The following PCDH9 variants were observed in gnomAD, a reference collection of about 807,000 sequenced individuals.
The protein encoded by PCDH9 is protocadherin 9, also known as protocadherin-9.
PCDH9 carries 24 observed loss-of-function variants against 70.6 expected under a neutral mutation model. The observed-to-expected ratio is 0.34, with a 90% CI of 0.25 to 0.48. PCDH9 has a LOEUF of 0.48. Among genes scored for constraint, PCDH9 ranks in the 20% least tolerant of loss-of-function variants. The pLI is 0.99. For synonymous variants in PCDH9, 562 were observed against 558.5 expected (o/e 1.01, Z -0.09); for missense variants, 1,281 against 1,503.6 (o/e 0.85, Z 2.45).
chr13:66,583,021 T>C (rs951180126), intron 4 of PCDH9, among the ~76,000 whole-genome samples: 1 of 152,070 alleles, frequency 6.6e-6, no homozygotes, highest in African/African-American at 2.4e-5. Context: ...AGTAGTCTTT[T>C]AGACCTCATT....
intron 2 of PCDH9, among the ~76,000 whole-genome samples, chr13:67,197,235 AG>A (rs2089089526): frequency 6.6e-6 from 1 of 151,990 alleles, no homozygotes; most frequent in Admixed American, 6.6e-5. Flanking sequence ...TTCAATAAAA[AG>A]CATTTCATCA....
chr13:66,976,201 G>C (rs1384472889), intron 2 of PCDH9, among the ~76,000 whole-genome samples: 1 of 151,884 alleles, frequency 6.6e-6, no homozygotes, highest in Non-Finnish European at 1.5e-5. Context: ...TCCCCTCATT[G>C]GCAAACTACT....
At chr13:66,432,299 A>G (rs1566320737) in intron 4 of PCDH9, among the ~76,000 whole-genome samples, 1 of 152,006 alleles carries the variant, frequency 6.6e-6, no homozygotes, top group South Asian at 2.1e-4. Context: ...ATATCAGAGA[A>G]GAAGACTGTT....
At chr13:66,700,927 T>C (rs1325582100) in intron 3 of PCDH9, among the ~76,000 whole-genome samples, 7 of 53,554 alleles carry the variant, frequency 1.3e-4, no homozygotes, top group Non-Finnish European at 1.7e-4. Flanking sequence ...CATATAAATA[T>C]ATATATATAT....
intron 4 of PCDH9, among the ~76,000 whole-genome samples, chr13:66,505,111 A>G (rs1023420468): frequency 3.3e-5 from 5 of 151,986 alleles, no homozygotes; most frequent in African/African-American, 1.2e-4. Flanking sequence ...TCTCTAGGAC[A>G]CTCTTCCTAT....
intron 4 of PCDH9, among the ~76,000 whole-genome samples, chr13:66,443,903 T>G (rs1433797714): frequency 6.6e-6 from 1 of 152,194 alleles, no homozygotes; most frequent in Non-Finnish European, 1.5e-5. Context: ...GAAATTACTA[T>G]GAGCGTTGTT....
At chr13:67,067,984 G>T (rs1204969622) in intron 2 of PCDH9, among the ~76,000 whole-genome samples, 1 of 152,022 alleles carries the variant, frequency 6.6e-6, no homozygotes, top group East Asian at 1.9e-4. Flanking sequence ...ACAGCATGTA[G>T]TTTTGATAGC....
intron 2 of PCDH9, among the ~76,000 whole-genome samples, chr13:67,149,450 T>C (rs1484589835): frequency 1.3e-5 from 2 of 151,990 alleles, no homozygotes; most frequent in Non-Finnish European, 2.9e-5. Context: ...GCCCAGCACA[T>C]TGTTAGGCTC....
intron 2 of PCDH9, among the ~76,000 whole-genome samples, chr13:66,920,652 A>T (rs1594261301): frequency 6.6e-6 from 1 of 151,320 alleles, no homozygotes; most frequent in East Asian, 1.9e-4. Flanking sequence ...ACAAAACCCC[A>T]ATCCTCAAGC....
intron 3 of PCDH9, among the ~76,000 whole-genome samples, chr13:66,780,052 T>C (rs905942661): frequency 9.9e-5 from 15 of 151,706 alleles, no homozygotes; most frequent in African/African-American, 3.6e-4. Flanking sequence ...TTATAGGTAA[T>C]AAAATTGTAC....
intron 3 of PCDH9, among the ~76,000 whole-genome samples, chr13:66,797,960 G>GGTGTGTGTGTGT: frequency 6.8e-6 from 1 of 147,264 alleles, no homozygotes; most frequent in African/African-American, 2.5e-5. Context: ...TTTCTTGGGG[G>GGTGTGTGTGTGT]GTGTGTGTGT....
chr13:66,467,526 C>T (rs929454158), intron 4 of PCDH9, among the ~76,000 whole-genome samples: 5 of 152,056 alleles, frequency 3.3e-5, no homozygotes, highest in African/African-American at 1.2e-4. Context: ...AGCCAGCTTA[C>T]ATCAGTGTGC....
At chr13:66,745,088 A>G (rs1281974992) in intron 3 of PCDH9, among the ~76,000 whole-genome samples, 1 of 152,162 alleles carries the variant, frequency 6.6e-6, no homozygotes, top group Non-Finnish European at 1.5e-5. Context: ...TCATCTGAAA[A>G]ACAGAAATAA....
At chr13:66,730,044 T>G (rs1277533363) in intron 3 of PCDH9, among the ~76,000 whole-genome samples, 1 of 152,192 alleles carries the variant, frequency 6.6e-6, no homozygotes, top group Non-Finnish European at 1.5e-5. Context: ...TATTTCCTTT[T>G]AAAAATATTT....
At chr13:67,144,723 G>A (rs1258626747) in intron 2 of PCDH9, among the ~76,000 whole-genome samples, 3 of 152,166 alleles carry the variant, frequency 2.0e-5, no homozygotes, top group African/African-American at 7.2e-5. Flanking sequence ...TCCACTTAAC[G>A]TTTTAAAGCT....
At chr13:67,047,736 A>C (rs1490329754) in intron 2 of PCDH9, among the ~76,000 whole-genome samples, 1 of 152,186 alleles carries the variant, frequency 6.6e-6, no homozygotes, top group Non-Finnish European at 1.5e-5. Flanking sequence ...AAGTTCTTGT[A>C]TTCTAATATA....
intron 4 of PCDH9, among the ~76,000 whole-genome samples, chr13:66,592,152 G>A (rs1457988682): frequency 6.6e-6 from 1 of 151,438 alleles, no homozygotes; most frequent in East Asian, 1.9e-4. Flanking sequence ...GAAAGTGATT[G>A]GACTAAATTC....
intron 4 of PCDH9, among the ~76,000 whole-genome samples, chr13:66,566,177 G>T (rs1252138607): frequency 6.6e-6 from 1 of 152,160 alleles, no homozygotes. Flanking sequence ...GACTTGTGAT[G>T]TACTTTTCAG....
At chr13:66,766,831 G>T (rs2079725272) in intron 3 of PCDH9, among the ~76,000 whole-genome samples, 1 of 151,956 alleles carries the variant, frequency 6.6e-6, no homozygotes. Flanking sequence ...TGATATTTTA[G>T]TTTTCTTAAT....
Sources: allele counts gnomAD v4.1 joint callset (sites outside exome capture counted in the v4.1 genomes callset), GRCh38; gene constraint gnomAD v4.1.1; transcripts MANE v1.5; gene names NCBI Gene and HGNC (gene_info 2026-07-23, HGNC 2026-07-21).